CASP6: variants seen among roughly 807,000 people sequenced by gnomAD.
The protein encoded by CASP6 is caspase-6.
CASP6 carries 20 observed loss-of-function variants against 31.8 expected under a neutral mutation model. The ratio of observed to expected loss-of-function variants is 0.63; its 90% CI spans 0.44 to 0.91. The LOEUF (loss-of-function observed/expected upper bound fraction) is 0.91. Ranked by LOEUF, CASP6 falls within the 40% of genes least tolerant of loss-of-function variation. The pLI, the probability that CASP6 is intolerant of heterozygous loss-of-function variation, is 0.00. For missense variants in CASP6, 328 were observed against 361.1 expected, an observed-to-expected ratio of 0.91 and a Z score of 0.74; for synonymous variants, 130 against 127.8, an observed-to-expected ratio of 1.02 and a Z score of -0.12.
chr4:109,703,430 C>G lies in CASP6; in HGVS notation c.-35G>C. ...ACGCGCAGCCAGACACCTTGCCCTCCTCTTCCTGAAGCCACAGGCTCCCGG... is the reference window on the plus strand; with the variant it reads ...ACGCGCAGCCAGACACCTTGCCCTCGTCTTCCTGAAGCCACAGGCTCCCGG... On this transcript the variant is annotated 5_prime_UTR_variant, in exon 1 of 7. Coordinates refer to ENST00000265164, the MANE Select transcript of CASP6 (RefSeq NM_001226.4). 6.2e-7 allele frequency: 1 copy of G among 1,607,642 alleles called. No individual in the cohort carries two copies. Among genetic ancestry groups the G allele is most frequent in the Non-Finnish European group, 8.5e-7 (1 of 1,177,546 alleles).
chr4:109,677,296 A>T, the CASP6 span, among the ~76,000 whole-genome samples: 1 of 152,110 alleles, frequency 6.6e-6, no homozygotes, highest in East Asian at 1.9e-4. Flanking sequence ...TGTGAGTTTG[A>T]TTTCAGACTC....
rs1730029810 is a variant in CASP6 at position 109,690,884 on chromosome 4, T to C, written c.609A>G (p.Gly203=). 5 of 1,612,928 alleles carry C rather than the reference T, an allele frequency of 3.1e-6. No homozygotes were observed. Among genetic ancestry groups the C allele is most frequent in the Non-Finnish European group, 4.2e-6 (5 of 1,179,512 alleles). ...CAGAGTAACACATGAGGAAGTCAGC[T>C]CCAGCAGGCAGCGTGTAAACGGAGG... ...DAASVYTLPA[G]ADFLMCYSVA... is the part of the protein sequence containing the mutation. Residue 203 remains glycine, a synonymous_variant, in exon 6 of 7, where the codon GGA becomes GGG. Transcript: ENST00000265164.
the CASP6 span, among the ~76,000 whole-genome samples, chr4:109,670,219 T>C: frequency 6.6e-6 from 1 of 152,122 alleles, no homozygotes; most frequent in South Asian, 2.1e-4. Flanking sequence ...TCTCAGTCTT[T>C]TAGTGAGCCT....
Position 109,698,076 on chromosome 4 carries a change from G to C in CASP6, c.83+224C>G, listed in dbSNP as rs5030549. Among the ~76,000 whole-genome samples the C allele has an allele frequency of 7.0e-4, 107 of 152,272 alleles. No homozygotes were observed. The East Asian group carries it at 0.019, about 27-fold the overall frequency. ...GCTCAGAACCAAGTTCTAGCTCTAG[G>C]CTCATGCCATGCCAATTAATATGCA... On this transcript the variant is annotated intron_variant, in intron 2 of 6. Coordinates refer to ENST00000265164, the MANE Select transcript of CASP6 (RefSeq NM_001226.4).
At chr4:109,700,485 G>A (rs1041717253) in intron 1 of CASP6, among the ~76,000 whole-genome samples, 10 of 152,136 alleles carry the variant, frequency 6.6e-5, no homozygotes, top group Admixed American at 6.5e-4. Context: ...CTGCCCCTGT[G>A]AATAGTCACC....
At chr4:109,701,359 T>C (rs889295152) in intron 1 of CASP6, among the ~76,000 whole-genome samples, 2 of 152,204 alleles carry the variant, frequency 1.3e-5, no homozygotes, top group African/African-American at 2.4e-5. Flanking sequence ...ATAACAGATA[T>C]AGAAATTCCT....
downstream of CASP6, chr4:109,685,232 C>T: frequency 1.1e-6 from 1 of 928,464 alleles, no homozygotes; most frequent in Non-Finnish European, 1.6e-6. Context: ...GTTTTCTTCT[C>T]TCTCTCTTTT....
chr4:109,703,447 G>A, upstream of CASP6: 2 of 1,592,862 alleles, frequency 1.3e-6, no homozygotes, highest in Non-Finnish European at 1.7e-6. Context: ...TGAAGCCACA[G>A]GCTCCCGGGC....
chr4:109,677,027 G>C, the CASP6 span, among the ~76,000 whole-genome samples: 1 of 152,234 alleles, frequency 6.6e-6, no homozygotes, highest in Non-Finnish European at 1.5e-5. Context: ...GCTACTGCCT[G>C]GGCTGAGCCC....
At position 109,691,049 on chromosome 4, in the gene CASP6, G is replaced by T. The variant is rs151292157; in HGVS notation, c.484-40C>A. On this transcript the variant is annotated intron_variant, in intron 5 of 6. Coordinates refer to ENST00000265164, the MANE Select transcript of CASP6 (RefSeq NM_001226.4). ...GGAAAAACCCACCTCTTTGCCTACTGTTTCCTTCCCAGTGCTTAATGTGTG... is the reference window on the plus strand; with the variant it reads ...GGAAAAACCCACCTCTTTGCCTACTTTTTCCTTCCCAGTGCTTAATGTGTG... 7.2e-5 allele frequency: 113 copies of T among 1,579,456 alleles called. No homozygotes were observed. The Middle Eastern group carries it at 1.1e-3, about 15-fold the overall frequency.
At chr4:109,674,863 G>GT in the CASP6 span, among the ~76,000 whole-genome samples, 2 of 152,198 alleles carry the variant, frequency 1.3e-5, no homozygotes, top group African/African-American at 4.8e-5. Flanking sequence ...AAATGTGTGT[G>GT]TTGCTTATTT....
At chr4:109,685,376 C>CA, downstream of CASP6, 1 of 1,148,630 alleles carries the variant, frequency 8.7e-7, no homozygotes, top group Non-Finnish European at 1.3e-6. Context: ...AGGTATACTA[C>CA]AAATACATCT....
chr4:109,708,661 G>C, the CASP6 span, among the ~76,000 whole-genome samples: 1 of 152,146 alleles, frequency 6.6e-6, no homozygotes, highest in Non-Finnish European at 1.5e-5. Flanking sequence ...CTACTTATCT[G>C]AAAAGAGCAG....
chr4:109,685,325 T>C (rs1024745572), downstream of CASP6: 31 of 1,586,910 alleles, frequency 2.0e-5, no homozygotes, highest in Non-Finnish European at 2.6e-5. Context: ...AACAGCACTT[T>C]GATGTGCAGC....
At chr4:109,682,564 C>T in the CASP6 span, 1 of 1,590,690 alleles carries the variant, frequency 6.3e-7, no homozygotes, top group Non-Finnish European at 8.6e-7. Flanking sequence ...GGCTTGTTTC[C>T]CTTGTGTCTT....
the CASP6 span, among the ~76,000 whole-genome samples, chr4:109,681,803 A>G: frequency 6.6e-6 from 1 of 152,256 alleles, no homozygotes; most frequent in East Asian, 1.9e-4. Context: ...CTACGGCGGC[A>G]AAACAGCAGT....
chr4:109,705,881 A>C (rs1730583197), upstream of CASP6, among the ~76,000 whole-genome samples: 1 of 145,018 alleles, frequency 6.9e-6, no homozygotes, highest in East Asian at 2.0e-4. Context: ...TCAGGACACT[A>C]AGATGGCAGG....
At chr4:109,686,339 A>G (rs538290516), downstream of CASP6, among the ~76,000 whole-genome samples, 1 of 152,132 alleles carries the variant, frequency 6.6e-6, no homozygotes, top group African/African-American at 2.4e-5. Flanking sequence ...GAGTTCCACT[A>G]TGTTGTCCAG....
chr4:109,689,254 T>C lies in CASP6; in HGVS notation c.*76A>G. ...CCTTGGACTCCCAAAGTGCTGGGAT[T>C]ACAGGTGTGAGTAACCACGCCTGGC... On this transcript the variant is annotated 3_prime_UTR_variant, in exon 7 of 7. Transcript: ENST00000265164. 1 of 1,371,636 alleles carries C rather than the reference T, an allele frequency of 7.3e-7. No homozygotes were observed. Among genetic ancestry groups the C allele is most frequent in the Non-Finnish European group, 1.0e-6 (1 of 971,432 alleles). The allele number at this position is 1,371,636 out of a possible 1,614,324, so 85.0% of individuals were successfully genotyped here. A position where few individuals can be genotyped will look rare whatever the true frequency, so the allele number is the denominator to read the frequency against.
Sources: gnomAD v4.1 joint callset for allele counts (sites outside exome capture counted in the v4.1 genomes callset) on GRCh38, gnomAD v4.1.1 for gene constraint, MANE v1.5 for transcripts, NCBI Gene and HGNC (gene_info 2026-07-23, HGNC 2026-07-21) for gene names.